The following MTA3 variants were observed in gnomAD, a reference collection of about 807,000 sequenced individuals.
MTA3 encodes metastasis associated 1 family member 3.
MTA3 carries 34 observed loss-of-function variants against 83.5 expected under a neutral mutation model. The observed-to-expected ratio is 0.41, with a 90% CI of 0.31 to 0.54. The LOEUF (loss-of-function observed/expected upper bound fraction) is 0.54. Ranked by LOEUF, MTA3 falls within the 20% of genes least tolerant of loss-of-function variation. The pLI is 0.33. For missense variants in MTA3, 761 were observed against 726.4 expected (o/e 1.05, Z -0.55); for synonymous variants, 303 against 252.7 (o/e 1.20, Z -1.89).
intron 2 of MTA3, among the ~76,000 whole-genome samples, chr2:42,515,752 C>T (rs1401798703): frequency 4.6e-5 from 7 of 152,122 alleles, no homozygotes; most frequent in African/African-American, 9.6e-5. Flanking sequence ...TCGCCCACCT[C>T]GGCCTCCCAA....
intron 2 of MTA3, among the ~76,000 whole-genome samples, chr2:42,557,752 A>G (rs771363717): frequency 6.6e-6 from 1 of 152,194 alleles, no homozygotes; most frequent in Non-Finnish European, 1.5e-5. Flanking sequence ...CAAGAGTGCA[A>G]ATAAACTTCC....
intron 9 of MTA3, among the ~76,000 whole-genome samples, chr2:42,686,847 T>C (rs984659340): frequency 6.9e-6 from 1 of 145,488 alleles, no homozygotes; most frequent in East Asian, 2.1e-4. Flanking sequence ...GGCTGGGCAT[T>C]GTGGCTCACA....
chr2:42,681,146 C>G (rs1691861831), intron 8 of MTA3, among the ~76,000 whole-genome samples: 1 of 152,202 alleles, frequency 6.6e-6, no homozygotes, highest in African/African-American at 2.4e-5. Flanking sequence ...TATCTTTTCT[C>G]CTTTCAAATT....
chr2:42,705,109 A>C (rs1227282863), intron 12 of MTA3, among the ~76,000 whole-genome samples: 1 of 152,156 alleles, frequency 6.6e-6, no homozygotes, highest in Non-Finnish European at 1.5e-5. Context: ...GCCTTCAGGA[A>C]GGATATAGGA....
chr2:42,711,775 A>AGTGTGTGTTTGTGTGTGTGTGTGT lies in MTA3; in HGVS notation c.1525+2680_1525+2681insTGTGTGTTTGTGTGTGTGTGTGTG, dbSNP rs372997456. On this transcript the variant is annotated intron_variant, in intron 14 of 16. Coordinates refer to ENST00000405094, the MANE Select transcript of MTA3 (RefSeq NM_001330442.2). The stretch of plus-strand genomic sequence containing the variant: ...GTGATCTACTGGGAGTGTATAGGAG[A>AGTGTGTGTTTGTGTGTGTGTGTGT]GAGAGAGAGTGTGTGTGTGTGTGTG... 1.5e-3 allele frequency among the ~76,000 whole-genome samples: 208 copies of AGTGTGTGTTTGTGTGTGTGTGTGT among 139,488 alleles called. 4 individuals are homozygous for AGTGTGTGTTTGTGTGTGTGTGTGT. The highest frequency in any genetic ancestry group is 2.8e-3 in the South Asian group (11 of 3,980). The allele number at this position is 139,488 out of a possible 152,430, so 91.5% of individuals were successfully genotyped here. A position where few individuals can be genotyped will look rare whatever the true frequency, so the allele number is the denominator to read the frequency against.
chr2:42,621,983 C>T (rs1685607907), intron 4 of MTA3, among the ~76,000 whole-genome samples: 1 of 152,228 alleles, frequency 6.6e-6, no homozygotes, highest in East Asian at 1.9e-4. Flanking sequence ...CAGAGACGCT[C>T]CTCACTTCCC....
chr2:42,644,619 G>A (rs1053071675), intron 6 of MTA3, among the ~76,000 whole-genome samples: 14 of 152,070 alleles, frequency 9.2e-5, no homozygotes, highest in African/African-American at 3.4e-4. Flanking sequence ...GAAGGTTTGT[G>A]GCAACCCTGT....
At chr2:42,699,128 G>A (rs978983617) in intron 11 of MTA3, among the ~76,000 whole-genome samples, 4 of 152,188 alleles carry the variant, frequency 2.6e-5, no homozygotes, top group African/African-American at 4.8e-5. Context: ...TGTAATCTAA[G>A]TCAGGGATCA....
upstream of MTA3, chr2:42,568,630 C>T (rs1409662033): frequency 3.1e-5 from 18 of 587,510 alleles, no homozygotes; most frequent in African/African-American, 1.2e-4. Flanking sequence ...CCCTTCCCCC[C>T]CGTGGCGAGG....
chr2:42,643,046 CTT>C (rs796628589), intron 5 of MTA3, among the ~76,000 whole-genome samples: 26 of 65,184 alleles, frequency 4.0e-4, no homozygotes, highest in African/African-American at 1.3e-3. Context: ...CCCCCCCCCC[CTT>C]TTTTTTTTAA....
intron 3 of MTA3, among the ~76,000 whole-genome samples, chr2:42,598,810 A>G (rs1476379319): frequency 6.6e-6 from 1 of 152,170 alleles, no homozygotes; most frequent in African/African-American, 2.4e-5. Flanking sequence ...AAATCATAAG[A>G]CATGCAGAAA....
intron 16 of MTA3, among the ~76,000 whole-genome samples, chr2:42,729,551 T>C (rs1457582405): frequency 6.6e-6 from 1 of 152,226 alleles, no homozygotes; most frequent in Non-Finnish European, 1.5e-5. Context: ...TTCTCCAATG[T>C]ATGTTCTTGG....
At chr2:42,594,041 T>C (rs1302617821) in intron 3 of MTA3, among the ~76,000 whole-genome samples, 1 of 150,342 alleles carries the variant, frequency 6.7e-6, no homozygotes, top group Non-Finnish European at 1.5e-5. Context: ...AACTTCCCCC[T>C]GTCAGGTTCA....
intron 11 of MTA3, among the ~76,000 whole-genome samples, chr2:42,700,252 G>A (rs1051755458): frequency 6.6e-6 from 1 of 151,956 alleles, no homozygotes; most frequent in Admixed American, 6.6e-5. Context: ...AGGTTTGAGC[G>A]TTAGATAAAA....
At chr2:42,502,015 A>C (rs758179027) in intron 2 of MTA3, among the ~76,000 whole-genome samples, 9 of 152,122 alleles carry the variant, frequency 5.9e-5, no homozygotes, top group Admixed American at 2.6e-4. Flanking sequence ...TTTAAAAAAG[A>C]CCCAAATTCC....
chr2:42,698,712 A>T (rs908608064), intron 11 of MTA3, among the ~76,000 whole-genome samples: 1 of 152,116 alleles, frequency 6.6e-6, no homozygotes, highest in African/African-American at 2.4e-5. Flanking sequence ...TGGAATTTTG[A>T]TATTTTGTAT....
At chr2:42,535,215 C>T (rs1215535377) in intron 2 of MTA3, among the ~76,000 whole-genome samples, 8 of 151,896 alleles carry the variant, frequency 5.3e-5, no homozygotes, top group Admixed American at 1.3e-4. Flanking sequence ...GGTAAAACCC[C>T]GTCTCTACTA....
chr2:42,742,909 A>G (rs1206960698), intron 16 of MTA3, among the ~76,000 whole-genome samples: 2 of 152,202 alleles, frequency 1.3e-5, no homozygotes, highest in Admixed American at 6.5e-5. Context: ...TTATATTCCA[A>G]TGGATGTTTG....
chr2:42,593,757 C>T (rs1047822202), intron 3 of MTA3, among the ~76,000 whole-genome samples: 1 of 151,970 alleles, frequency 6.6e-6, no homozygotes, highest in Non-Finnish European at 1.5e-5. Flanking sequence ...TACAATGGAA[C>T]CTGTGAATAG....
Sources: allele counts gnomAD v4.1 joint callset (sites outside exome capture counted in the v4.1 genomes callset), GRCh38; gene constraint gnomAD v4.1.1; transcripts MANE v1.5; gene names NCBI Gene and HGNC (gene_info 2026-07-23, HGNC 2026-07-21).